The following UFD1 variants were observed in gnomAD, a reference collection of about 807,000 sequenced individuals.
The protein encoded by UFD1 is ubiquitin recognition factor in ER-associated degradation protein 1.
Under a neutral mutation model 45.9 loss-of-function variants are expected in UFD1, and 13 were observed. The observed-to-expected ratio is 0.28, with a 90% CI of 0.18 to 0.45. The LOEUF (loss-of-function observed/expected upper bound fraction) is 0.45, where lower values mean the gene tolerates loss of function less well. Ranked by LOEUF, UFD1 falls within the 20% of genes least tolerant of loss-of-function variation. The pLI, the probability that UFD1 is intolerant of heterozygous loss-of-function variation, is 1.00. For missense variants in UFD1, 218 were observed against 389.2 expected (o/e 0.56, Z 3.70); for synonymous variants, 128 against 139.2 (o/e 0.92, Z 0.56).
intron 4 of UFD1, 44 bp from the exon 5 acceptor site, chr22:19,468,047 A>G (rs761907190): frequency 5.0e-6 from 8 of 1,610,214 alleles, no homozygotes; most frequent in Non-Finnish European, 6.8e-6. Flanking sequence ...GAGATGAAGC[A>G]GCCTCCACAA....
intron 10 of UFD1, among the ~76,000 whole-genome samples, chr22:19,455,211 C>A (rs1601886873): frequency 6.6e-6 from 1 of 152,172 alleles, no homozygotes; most frequent in Admixed American, 6.5e-5. Flanking sequence ...CCATCATGGC[C>A]ACCAGAGGAA....
At chr22:19,454,603 A>G (rs1429706656) in intron 11 of UFD1, 146 bp downstream of exon 11, 2 of 1,489,628 alleles carry the variant, frequency 1.3e-6, no homozygotes, top group Non-Finnish European at 9.0e-7. Flanking sequence ...TTTCTTTTGT[A>G]AATTGCCCAG....
chr22:19,451,796 C>T (rs2089685026), intron 11 of UFD1: 1 of 985,336 alleles, frequency 1.0e-6, no homozygotes, highest in African/African-American at 1.7e-5. Flanking sequence ...TGGCTTCTTC[C>T]TCTATTCAAT....
rs999615799 is a variant in UFD1 at position 19,463,051 on chromosome 22, TG to T, written c.495+2150del. 2.2e-4 allele frequency among the ~76,000 whole-genome samples: 34 copies of T among 152,380 alleles called. 1 individual carries two copies. Among genetic ancestry groups the T allele is most frequent in the African/African-American group, 7.9e-4 (33 of 41,600 alleles). On this transcript the variant is annotated intron_variant, in intron 6 of 11. Transcript: ENST00000263202. ...TGTGTTTTCTCCCTGCTTACCTCTCTGTATTTGGTATTTTCTACCTGTAGCT... is the reference window on the plus strand; with the variant it reads ...TGTGTTTTCTCCCTGCTTACCTCTCTTATTTGGTATTTTCTACCTGTAGCT...
intron 7 of UFD1, among the ~76,000 whole-genome samples, chr22:19,457,120 G>A (rs924923111): frequency 6.6e-6 from 1 of 152,068 alleles, no homozygotes; most frequent in African/African-American, 2.4e-5. Flanking sequence ...TATCAACACT[G>A]GCACAACCCA....
At position 19,461,168 on chromosome 22, in the gene UFD1, T is replaced by C. The variant is rs193207599; in HGVS notation, c.496-3029A>G. Among the ~76,000 whole-genome samples the C allele has an allele frequency of 1.9e-3, 296 of 152,372 alleles. 1 individual carries two copies. Among genetic ancestry groups the C allele is most frequent in the African/African-American group, 6.0e-3 (251 of 41,584 alleles). On this transcript the variant is annotated intron_variant, in intron 6 of 11. Transcript: ENST00000263202. ...TTTCACTGAGCAGAATGTTCATCCA[T>C]GTGGTAGCATGTGTCAGAATTCCCT... is the stretch of plus-strand genomic sequence containing the variant.
At chr22:19,464,455 A>G (rs2089787823) in intron 6 of UFD1, among the ~76,000 whole-genome samples, 1 of 152,264 alleles carries the variant, frequency 6.6e-6, no homozygotes, top group Non-Finnish European at 1.5e-5. Context: ...CAGGATTGCC[A>G]ACTATTACAT....
chr22:19,454,574 TG>T (rs2146287110), intron 11 of UFD1, 174 bp downstream of exon 11: 3 of 1,367,196 alleles, frequency 2.2e-6, no homozygotes, highest in East Asian at 2.8e-5. Flanking sequence ...CCATGTGAAC[TG>T]TAAGTCCATT....
At chr22:19,459,116 CATA>C (rs1466293714) in intron 6 of UFD1, among the ~76,000 whole-genome samples, 1 of 152,132 alleles carries the variant, frequency 6.6e-6, no homozygotes, top group Non-Finnish European at 1.5e-5. Flanking sequence ...ATGTTTGCAT[CATA>C]ATAAAGTTGA....
chr22:19,458,663 G>C (rs900948029), intron 6 of UFD1, among the ~76,000 whole-genome samples: 1 of 152,072 alleles, frequency 6.6e-6, no homozygotes, highest in African/African-American at 2.4e-5. Flanking sequence ...GGCTGGTCTC[G>C]AACTCCTGAC....
In UFD1 at chr22:19,465,225, T is replaced by C; in HGVS notation, c.472A>G (p.Ile158Val). The change falls in exon 6 of 12, where the codon ATT becomes GTT. Residue 158 changes from isoleucine (I) to valine (V), a missense_variant. Coordinates refer to ENST00000263202, the MANE Select transcript of UFD1 (RefSeq NM_005659.7). ...NFACLTTGDV[I>V]AINYNEKIYE... ...ACCTTTTCATTATAGTTGATGGCAA[T>C]CACATCCCCGGTGGTCAGACAGGCA... The C allele has an allele frequency of 6.2e-7, 1 of 1,614,178 alleles. No individual in the cohort carries two copies. The highest frequency in any genetic ancestry group is 8.5e-7 in the Non-Finnish European group (1 of 1,180,040).
At chr22:19,455,877 T>C in intron 9 of UFD1, 109 bp from the exon 10 acceptor site, 1 of 982,462 alleles carries the variant, frequency 1.0e-6, no homozygotes, top group Non-Finnish European at 1.6e-6. Flanking sequence ...TGCAGACCCC[T>C]TCAGGACTGA....
In UFD1 at chr22:19,456,866, T is replaced by C; in HGVS notation, c.617A>G (p.His206Arg). 6.2e-7 allele frequency: 1 copy of C among 1,613,530 alleles called. No homozygotes were observed. Among genetic ancestry groups the C allele is most frequent in the African/African-American group, 1.3e-5 (1 of 75,036 alleles). The change falls in exon 8 of 12, where the codon CAT becomes CGT. Residue 206 changes from histidine (H) to arginine (R), a missense_variant. Around this residue, in one of 2 missense-constraint regions of UFD1, gnomAD observed 149 missense variants for 307.5 expected, o/e 0.48. Transcript: ENST00000263202. Reference sequence around the variant, plus strand: ...GATAACACTTACTGTCGACTCCTCATGCTGGACTTGTCTTTCGGGTTCTTT... The same window carrying C: ...GATAACACTTACTGTCGACTCCTCACGCTGGACTTGTCTTTCGGGTTCTTT... ...GYKEPERQVQ[H>R]EESTEGEADH...
intron 4 of UFD1, chr22:19,470,925 A>G (rs1437662031): frequency 4.6e-6 from 2 of 435,392 alleles, no homozygotes; most frequent in Admixed American, 2.6e-5. Flanking sequence ...GGGGTCTCTC[A>G]GTATGCCTGA....
At chr22:19,471,453 A>C (rs1468055089) in intron 4 of UFD1, 1 of 756,328 alleles carries the variant, frequency 1.3e-6, no homozygotes, top group African/African-American at 1.7e-5. Context: ...GCAACTATCA[A>C]AGAAAAGGCC....
At chr22:19,474,893 G>A (rs903037557) in intron 3 of UFD1, among the ~76,000 whole-genome samples, 175 bp downstream of exon 3, 4 of 152,130 alleles carry the variant, frequency 2.6e-5, no homozygotes, top group African/African-American at 4.8e-5. Flanking sequence ...CCCTGGCCTC[G>A]CCCTAGGTAC....
intron 6 of UFD1, among the ~76,000 whole-genome samples, chr22:19,461,182 T>G (rs1055340775): frequency 2.6e-5 from 4 of 152,256 alleles, no homozygotes; most frequent in African/African-American, 9.6e-5. Flanking sequence ...GTAGCATGTG[T>G]CAGAATTCCC....
At chr22:19,472,364 G>A (rs2089852785) in intron 3 of UFD1, among the ~76,000 whole-genome samples, 1 of 152,218 alleles carries the variant, frequency 6.6e-6, no homozygotes, top group South Asian at 2.1e-4. Flanking sequence ...GGCAAGACAG[G>A]CTGGGGACAG....
chr22:19,461,850 T>A (rs748349337), intron 6 of UFD1, among the ~76,000 whole-genome samples: 2 of 152,144 alleles, frequency 1.3e-5, no homozygotes, highest in Non-Finnish European at 2.9e-5. Context: ...TCAATTACAC[T>A]TTTCTCTAGG....
Sources: gnomAD v4.1 joint callset for allele counts (sites outside exome capture counted in the v4.1 genomes callset) on GRCh38, gnomAD v4.1.1 for gene constraint, gnomAD v4.1.1 regional missense constraint, MANE v1.5 for transcripts, NCBI Gene and HGNC (gene_info 2026-07-23, HGNC 2026-07-21) for gene names.